PCDHA9: variants seen among roughly 807,000 people sequenced by gnomAD.
The protein encoded by PCDHA9 is protocadherin alpha-9.
PCDHA9 carries 62 observed loss-of-function variants against 62.0 expected under a neutral mutation model. The observed-to-expected ratio is 1.00, with a 90% CI of 0.81 to 1.23. The LOEUF (loss-of-function observed/expected upper bound fraction) is 1.23. PCDHA9 is among the 50% of genes most tolerant of loss of function. The pLI is 0.00. For missense variants in PCDHA9, 1,205 were observed against 1,249.8 expected (o/e 0.96, Z 0.54); for synonymous variants, 557 against 567.6 (o/e 0.98, Z 0.27).
chr5:140,881,587 GAAAT>G (rs2058760366), intron 1 of PCDHA9, among the ~76,000 whole-genome samples: 1 of 152,186 alleles, frequency 6.6e-6, no homozygotes, highest in Non-Finnish European at 1.5e-5. Context: ...CACATTGAGG[GAAAT>G]TTATTAATAT....
intron 1 of PCDHA9, chr5:140,926,863 G>A: frequency 1.3e-6 from 2 of 1,523,054 alleles, no homozygotes; most frequent in Non-Finnish European, 8.8e-7. Flanking sequence ...GGTGTAGCGT[G>A]TTGGTGGAAC....
chr5:140,882,853 A>G lies in PCDHA9; in HGVS notation c.2394+31964A>G, dbSNP rs782160647. On this transcript the variant is annotated intron_variant, in intron 1 of 3. Transcript: ENST00000532602. ...AGCAAATGTCTTCATTATCACTTGTACTGAGGAAAACACTGGACAGAGAGG... is the reference window on the plus strand; with the variant it reads ...AGCAAATGTCTTCATTATCACTTGTGCTGAGGAAAACACTGGACAGAGAGG... 1.9e-6 allele frequency: 3 copies of G among 1,614,218 alleles called. No individual in the cohort carries two copies. The Admixed American group carries it at 5.0e-5, about 27-fold the overall frequency.
chr5:140,974,126 T>C (rs1554235851), intron 1 of PCDHA9, among the ~76,000 whole-genome samples: 1 of 152,242 alleles, frequency 6.6e-6, no homozygotes, highest in Non-Finnish European at 1.5e-5. Flanking sequence ...GTGTTTTAAA[T>C]CTGCTAACCT....
At position 140,849,864 on chromosome 5, in the gene PCDHA9, C is replaced by G. The variant is rs1554143420; in HGVS notation, c.1369C>G (p.Gln457Glu). 6.3e-7 allele frequency: 1 copy of G among 1,598,642 alleles called. No homozygotes were observed. The highest frequency in any genetic ancestry group is 1.1e-5 in the South Asian group (1 of 90,544). The change falls in exon 1 of 4, where the codon CAG becomes GAG. Residue 457 changes from glutamine (Q) to glutamate (E), a missense_variant. Transcript: ENST00000532602. ...GAACGACAACGCACCAGCGTTCGCG[C>G]AGTCCGAGTACACGGTGTTCGTGAA... is the stretch of plus-strand genomic sequence containing the variant. ...DVNDNAPAFA[Q>E]SEYTVFVKEN...
intron 1 of PCDHA9, among the ~76,000 whole-genome samples, chr5:140,899,982 A>T (rs185115696): frequency 3.3e-4 from 49 of 150,716 alleles, no homozygotes; most frequent in African/African-American, 1.1e-3. Flanking sequence ...TACTTTTTTG[A>T]TTTTTTTTGT....
At chr5:140,871,014 C>G (rs1554164974) in intron 1 of PCDHA9, 1 of 1,613,178 alleles carries the variant, frequency 6.2e-7, no homozygotes, top group East Asian at 2.2e-5. Context: ...GTGCCCTGGA[C>G]GAGGCAGACT....
chr5:140,890,646 C>A (rs1332050034), intron 1 of PCDHA9, among the ~76,000 whole-genome samples: 4 of 152,082 alleles, frequency 2.6e-5, no homozygotes, highest in African/African-American at 9.7e-5. Flanking sequence ...CTTGATATAT[C>A]AAAATCAAAA....
chr5:140,897,409 A>G (rs945260120), intron 1 of PCDHA9, among the ~76,000 whole-genome samples: 16 of 140,532 alleles, frequency 1.1e-4, no homozygotes, highest in Non-Finnish European at 1.7e-4. Flanking sequence ...TCATTGTTCA[A>G]TTCCCATCTA....
At position 140,850,416 on chromosome 5, in the gene PCDHA9, G is replaced by A. The variant is rs2150483366; in HGVS notation, c.1921G>A (p.Asp641Asn). 14 of 1,598,000 alleles carry A rather than the reference G, an allele frequency of 8.8e-6. 2 individuals are homozygous for A. In the Admixed American group the frequency reaches 2.0e-4, roughly 23 times the overall value. ...ISTTRALDET[D>N]APRQRLLVLV... Reference sequence around the variant, plus strand: ...CACAACGCGTGCCCTGGACGAAACGGACGCACCGCGCCAGCGCCTACTGGT... The same window carrying A: ...CACAACGCGTGCCCTGGACGAAACGAACGCACCGCGCCAGCGCCTACTGGT... The change falls in exon 1 of 4, where the codon GAC becomes AAC. Residue 641 changes from aspartate to asparagine, a missense_variant. By Grantham distance (23) the Asp-to-Asn change is conservative. This residue lies in a region of PCDHA9 where 887 missense variants were observed against 809.5 expected (regional missense o/e 1.10). Transcript: ENST00000532602.
In PCDHA9 at chr5:140,858,646, T is replaced by C. The variant is rs542211136; in HGVS notation, c.2394+7757T>C. 2.7e-5 allele frequency: 22 copies of C among 817,764 alleles called. 1 individual carries two copies. In the African/African-American group the frequency reaches 3.5e-4, roughly 13 times the overall value. 50.7% of individuals were successfully genotyped at this position (817,764 alleles called of 1,614,324 possible). A position where few individuals can be genotyped will look rare whatever the true frequency, so the allele number is the denominator to read the frequency against. On this transcript the variant is annotated intron_variant, in intron 1 of 3. Coordinates refer to ENST00000532602, the MANE Select transcript of PCDHA9 (RefSeq NM_031857.2). ...AGTGTGTCAGCCTTTGATTGGTACT[T>C]AAATTTTTTTAAATAACAATTTATT...
At chr5:140,884,511 G>T (rs1202323930) in intron 1 of PCDHA9, 6 of 1,614,074 alleles carry the variant, frequency 3.7e-6, no homozygotes, top group African/African-American at 1.3e-5. Context: ...GCAGGGAGTT[G>T]GTCGTACTCG....
intron 1 of PCDHA9, chr5:140,853,696 T>C: frequency 1.1e-5 from 11 of 988,274 alleles, no homozygotes; most frequent in Non-Finnish European, 1.3e-5. Context: ...TTAGACCTGC[T>C]AACGCATTAG....
At chr5:140,969,760 C>T (rs1166018588) in intron 1 of PCDHA9, among the ~76,000 whole-genome samples, 1 of 152,194 alleles carries the variant, frequency 6.6e-6, no homozygotes, top group Non-Finnish European at 1.5e-5. Flanking sequence ...TTAAAAAGCT[C>T]TGAGGCCTCT....
intron 1 of PCDHA9, among the ~76,000 whole-genome samples, chr5:140,964,058 A>C (rs147228403): frequency 1.4e-3 from 207 of 152,356 alleles, no homozygotes; most frequent in Admixed American, 4.3e-3. Flanking sequence ...TGGTGTGGTC[A>C]AGGCATTAGT....
At chr5:140,915,589 T>C (rs1398530314) in intron 1 of PCDHA9, among the ~76,000 whole-genome samples, 1 of 151,900 alleles carries the variant, frequency 6.6e-6, no homozygotes, top group African/African-American at 2.4e-5. Context: ...AAAGCACTTG[T>C]TCTTTTCCCT....
chr5:140,892,461 G>A lies in PCDHA9; in HGVS notation c.2394+41572G>A, dbSNP rs187904355. On this transcript the variant is annotated intron_variant, in intron 1 of 3. Coordinates refer to ENST00000532602, the MANE Select transcript of PCDHA9 (RefSeq NM_031857.2). ...AAATTTACATGTATTCTTTAAGTAC[G>A]GTTATTCAGTTTCCTAGCCAAACAT... 2.1e-3 allele frequency among the ~76,000 whole-genome samples: 317 copies of A among 152,150 alleles called. 1 individual carries two copies. Among genetic ancestry groups the A allele is most frequent in the Non-Finnish European group, 3.5e-3 (237 of 68,004 alleles).
chr5:140,876,967 G>T lies in PCDHA9; in HGVS notation c.2394+26078G>T, dbSNP rs200960356. On this transcript the variant is annotated intron_variant, in intron 1 of 3. Coordinates refer to ENST00000532602, the MANE Select transcript of PCDHA9 (RefSeq NM_031857.2). ...GTCCTACTCGCTGGTGGAGCGGCGG[G>T]TGGGCGAGCACGCACTGTCGAGCTA... The T allele has an allele frequency of 3.1e-6, 5 of 1,613,050 alleles. No homozygotes were observed. The South Asian group carries it at 3.3e-5, about 11-fold the overall frequency.
intron 3 of PCDHA9, among the ~76,000 whole-genome samples, chr5:141,006,105 G>GTT (rs79904017): frequency 1.9e-4 from 27 of 143,364 alleles, no homozygotes; most frequent in Middle Eastern, 3.8e-3. Flanking sequence ...ATGGTAAGGA[G>GTT]TTTTTTTTTT....
chr5:140,853,171 G>A lies in PCDHA9; in HGVS notation c.2394+2282G>A, dbSNP rs2150529478. On this transcript the variant is annotated intron_variant, in intron 1 of 3. Coordinates refer to ENST00000532602, the MANE Select transcript of PCDHA9 (RefSeq NM_031857.2). ...TGGGATTACAGGCGTGAGCCACCGC[G>A]CCTGGCCTAAAATGTGTTCTTTATT... 22 of 965,136 alleles carry A rather than the reference G, an allele frequency of 2.3e-5. 1 individual carries two copies. Among genetic ancestry groups the A allele is most frequent in the Non-Finnish European group, 2.4e-5 (19 of 799,766 alleles). 59.8% of individuals were successfully genotyped at this position (965,136 alleles called of 1,614,324 possible).
Sources: allele counts gnomAD v4.1 joint callset (sites outside exome capture counted in the v4.1 genomes callset), GRCh38; gene constraint gnomAD v4.1.1; regional missense constraint gnomAD v4.1.1; transcripts MANE v1.5; gene names NCBI Gene and HGNC (gene_info 2026-07-23, HGNC 2026-07-21).